Variants in PRKCA observed in about 807,000 individuals in gnomAD.
PRKCA encodes the protein protein kinase C alpha, also known as protein kinase C alpha type.
Under a neutral mutation model 87.0 loss-of-function variants are expected in PRKCA, and 27 were observed. The ratio of observed to expected loss-of-function variants is 0.31; its 90% confidence interval spans 0.23 to 0.43. PRKCA has a LOEUF of 0.43. Among genes scored for constraint, PRKCA ranks in the 20% least tolerant of loss-of-function variants. The pLI is 1.00. For missense variants in PRKCA, 518 were observed against 852.3 expected (o/e 0.61, Z 4.88); for synonymous variants, 329 against 311.1 (o/e 1.06, Z -0.61).
chr17:66,799,112 ACGGTGG>A (rs1975797539), intron 16 of PRKCA, among the ~76,000 whole-genome samples: 2 of 28 alleles, frequency 0.071, 1 homozygote, highest in African/African-American at 0.25. Context: ...GGTGATGGTG[ACGGTGG>A]TGGTGGTGGT....
In PRKCA at chr17:66,715,895, A is replaced by G. The variant is rs556771223; in HGVS notation, c.919-16793A>G. Among the ~76,000 whole-genome samples, 205 of 152,200 alleles carry G rather than the reference A, an allele frequency of 1.3e-3. 1 individual carries two copies. The highest frequency in any genetic ancestry group is 2.5e-3 in the Non-Finnish European group (170 of 68,034). On this transcript the variant is annotated intron_variant, in intron 8 of 16. Transcript: ENST00000413366. The stretch of plus-strand genomic sequence containing the variant: ...GCAGTTGCTTCAGAAACTGAATACC[A>G]CAAGAGGGCAGTAAAGATTTGCAAA...
chr17:66,441,162 CAAAA>C (rs199828612), intron 2 of PRKCA, among the ~76,000 whole-genome samples: 1 of 107,176 alleles, frequency 9.3e-6, no homozygotes, highest in African/African-American at 4.0e-5. Flanking sequence ...ACTCTGTCTC[CAAAA>C]AAAAAAAAAA....
At chr17:66,591,249 C>T (rs116041197) in intron 3 of PRKCA, among the ~76,000 whole-genome samples, 2,356 of 152,214 alleles carry the variant, frequency 0.015, 69 homozygotes, top group African/African-American at 0.054. Flanking sequence ...ACTTCCCAGC[C>T]TCAAGCAATT....
intron 13 of PRKCA, among the ~76,000 whole-genome samples, chr17:66,773,322 ACTT>A (rs1974980927): frequency 6.6e-6 from 1 of 151,980 alleles, no homozygotes; most frequent in South Asian, 2.1e-4. Flanking sequence ...GTGTTTTAAA[ACTT>A]CTGTTTTTCA....
At chr17:66,612,707 A>G (rs1279453344) in intron 3 of PRKCA, among the ~76,000 whole-genome samples, 1 of 150,136 alleles carries the variant, frequency 6.7e-6, no homozygotes, top group Non-Finnish European at 1.5e-5. Flanking sequence ...AATTGAGAAT[A>G]TTTCACTGAT....
chr17:66,503,632 C>CTA (rs1916846333), intron 3 of PRKCA, among the ~76,000 whole-genome samples: 1 of 152,164 alleles, frequency 6.6e-6, no homozygotes, highest in Admixed American at 6.5e-5. Context: ...CCGTGGAGGA[C>CTA]TATATGTCTA....
chr17:66,556,353 T>A (rs1213566412), intron 3 of PRKCA, among the ~76,000 whole-genome samples: 1 of 131,402 alleles, frequency 7.6e-6, no homozygotes, highest in Non-Finnish European at 1.5e-5. Flanking sequence ...GTCAAGACAA[T>A]AGTCTTCATG....
chr17:66,505,312 C>T (rs1916927635), intron 3 of PRKCA, among the ~76,000 whole-genome samples: 1 of 152,098 alleles, frequency 6.6e-6, no homozygotes, highest in African/African-American at 2.4e-5. Flanking sequence ...TCTCTTGACC[C>T]ACCAACCTCT....
rs143588274 is a variant in PRKCA at position 66,552,713 on chromosome 17, A to G, written c.288+56430A>G. On this transcript the variant is annotated intron_variant, in intron 3 of 16. Coordinates refer to ENST00000413366, the MANE Select transcript of PRKCA (RefSeq NM_002737.3). ...TTATACTCTAATCACATAAGTGACA[A>G]CCTGACATTTTCACCATAGTCTGTT... is the stretch of plus-strand genomic sequence containing the variant. 5.0e-3 allele frequency among the ~76,000 whole-genome samples: 766 copies of G among 152,264 alleles called. 2 individuals are homozygous for G. The highest frequency in any genetic ancestry group is 8.3e-3 in the Non-Finnish European group (562 of 68,028).
At chr17:66,410,039 A>C (rs7222507) in intron 2 of PRKCA, among the ~76,000 whole-genome samples, 127,266 of 152,226 alleles carry the variant, frequency 0.84, 53,658 homozygotes, top group South Asian at 0.94. Context: ...TCAATAAACA[A>C]GTACCAGCTG....
intron 13 of PRKCA, among the ~76,000 whole-genome samples, chr17:66,760,289 G>C (rs1423554925): frequency 4.6e-5 from 7 of 152,116 alleles, no homozygotes; most frequent in Admixed American, 4.6e-4. Flanking sequence ...GAAGATTAAA[G>C]AACCCTTCTA....
intron 3 of PRKCA, among the ~76,000 whole-genome samples, chr17:66,509,445 C>A (rs1203418153): frequency 1.3e-5 from 2 of 151,964 alleles, no homozygotes. Flanking sequence ...AGATTGAGTC[C>A]AAGAGCAAGA....
intron 2 of PRKCA, among the ~76,000 whole-genome samples, chr17:66,457,031 C>G (rs895401025): frequency 6.6e-6 from 1 of 152,146 alleles, no homozygotes; most frequent in Admixed American, 6.5e-5. Flanking sequence ...ATGTTGTAGG[C>G]CCAGCTGTGT....
At chr17:66,537,360 A>G (rs1424120594) in intron 3 of PRKCA, among the ~76,000 whole-genome samples, 1 of 152,212 alleles carries the variant, frequency 6.6e-6, no homozygotes, top group African/African-American at 2.4e-5. Context: ...TAACCTTATG[A>G]GTCTGTTGCT....
intron 2 of PRKCA, among the ~76,000 whole-genome samples, chr17:66,358,539 G>T (rs1908201732): frequency 1.3e-5 from 2 of 150,200 alleles, no homozygotes; most frequent in Non-Finnish European, 2.9e-5. Flanking sequence ...CAAGCCTAAG[G>T]CTAACATGAT....
At chr17:66,636,288 TTAA>T (rs1415335763) in intron 3 of PRKCA, among the ~76,000 whole-genome samples, 1 of 152,216 alleles carries the variant, frequency 6.6e-6, no homozygotes, top group Non-Finnish European at 1.5e-5. Context: ...CTAGGTGAGA[TTAA>T]TTAGACTGGA....
chr17:66,403,918 G>GTTGAA (rs1911191003), intron 2 of PRKCA: 1 of 152,186 alleles, frequency 6.6e-6, no homozygotes. Context: ...TTTATTTATT[G>GTTGAA]TTCAGGTTGT....
At chr17:66,413,788 C>G (rs574860250) in intron 2 of PRKCA, among the ~76,000 whole-genome samples, 1 of 152,224 alleles carries the variant, frequency 6.6e-6, no homozygotes, top group East Asian at 1.9e-4. Flanking sequence ...CCAAGGCAGG[C>G]AGATCACTAG....
chr17:66,687,112 A>C lies in PRKCA; in HGVS notation c.531A>C (p.Val177=). Residue 177 remains valine (V), a splice_region_variant and synonymous_variant, in exon 6 of 17, where the codon GTA becomes GTC. Coordinates refer to ENST00000413366, the MANE Select transcript of PRKCA (RefSeq NM_002737.3). ...EVADEKLHVT[V]RDAKNLIPMD... ...ATTTTCTTCCTTCTCTCTTCACAGT[A>C]CGAGATGCAAAAAATCTAATCCCTA... 1 of 1,609,912 alleles carries C rather than the reference A, an allele frequency of 6.2e-7. No individual in the cohort carries two copies. Among genetic ancestry groups the C allele is most frequent in the African/African-American group, 1.3e-5 (1 of 74,872 alleles).
Sources: allele counts gnomAD v4.1 joint callset (sites outside exome capture counted in the v4.1 genomes callset), GRCh38; gene constraint gnomAD v4.1.1; transcripts MANE v1.5; gene names NCBI Gene and HGNC (gene_info 2026-07-23, HGNC 2026-07-21).